SPOCK3: variants seen among roughly 807,000 people sequenced by gnomAD.
The protein encoded by SPOCK3 is testican-3.
SPOCK3 carries 30 observed loss-of-function variants against 56.6 expected under a neutral mutation model. The observed-to-expected ratio is 0.53, with a 90% CI of 0.40 to 0.72. The LOEUF is 0.72. Ranked by LOEUF, SPOCK3 falls within the 30% of genes least tolerant of loss-of-function variation. The pLI is 0.00. For synonymous variants in SPOCK3, 196 were observed against 183.3 expected, an observed-to-expected ratio of 1.07 and a Z score of -0.56; for missense variants, 527 against 530.0, an observed-to-expected ratio of 0.99 and a Z score of 0.06.
intron 2 of SPOCK3, among the ~76,000 whole-genome samples, chr4:167,191,372 C>T (rs1162264308): frequency 1.4e-5 from 2 of 145,388 alleles, no homozygotes; most frequent in Non-Finnish European, 3.0e-5. Context: ...GCTCAAGAGC[C>T]AATTGTATGG....
At chr4:166,804,153 A>C (rs559290021) in intron 6 of SPOCK3, among the ~76,000 whole-genome samples, 1 of 152,262 alleles carries the variant, frequency 6.6e-6, no homozygotes, top group East Asian at 1.9e-4. Flanking sequence ...TAGTAAGTAT[A>C]AGCTTTGTAA....
rs901519482 is a variant in SPOCK3, at chr4:166,734,729, A to G, written c.*192T>C. 3.8e-6 allele frequency: 2 copies of G among 522,438 alleles called. No individual in the cohort carries two copies. The highest frequency in any genetic ancestry group is 6.5e-6 in the Non-Finnish European group (2 of 307,152). 32.4% of individuals were successfully genotyped at this position (522,438 alleles called of 1,614,324 possible). A position where few individuals can be genotyped will look rare whatever the true frequency, so the allele number is the denominator to read the frequency against. On this transcript the variant is annotated 3_prime_UTR_variant, in exon 11 of 11. Transcript: ENST00000357545. ...TATTTTCTTTTTGTGTAAGGAATAT[A>G]AAAACTCAAAGCAAATGATTCTTAT...
At chr4:167,003,153 T>C (rs1749120221) in intron 3 of SPOCK3, among the ~76,000 whole-genome samples, 1 of 152,092 alleles carries the variant, frequency 6.6e-6, no homozygotes, top group South Asian at 2.1e-4. Context: ...TTGTCATGTA[T>C]GCTCAAGAAA....
At chr4:167,085,484 A>C (rs1314607690) in intron 2 of SPOCK3, among the ~76,000 whole-genome samples, 1 of 152,158 alleles carries the variant, frequency 6.6e-6, no homozygotes, top group Non-Finnish European at 1.5e-5. Flanking sequence ...CTTTGGAATC[A>C]AACAATACTC....
chr4:166,948,883 T>C (rs1453142611), intron 4 of SPOCK3, among the ~76,000 whole-genome samples: 1 of 152,114 alleles, frequency 6.6e-6, no homozygotes, highest in South Asian at 2.1e-4. Context: ...AATCTGAATG[T>C]TGGCCTGCCT....
chr4:167,028,583 T>C (rs1416383007), intron 3 of SPOCK3, among the ~76,000 whole-genome samples: 2 of 152,076 alleles, frequency 1.3e-5, no homozygotes, highest in South Asian at 2.1e-4. Context: ...TCTCTTGAGT[T>C]GCAGTTATGT....
intron 6 of SPOCK3, among the ~76,000 whole-genome samples, chr4:166,843,103 G>A (rs1000257885): frequency 2.0e-5 from 3 of 152,282 alleles, no homozygotes; most frequent in African/African-American, 2.4e-5. Context: ...CCTGCCAGCC[G>A]CTCTGAGTGC....
intron 4 of SPOCK3, among the ~76,000 whole-genome samples, chr4:166,962,010 C>T (rs1744196727): frequency 6.6e-6 from 1 of 152,066 alleles, no homozygotes; most frequent in Non-Finnish European, 1.5e-5. Flanking sequence ...AGGCTGCCTC[C>T]ATTCCTTAGC....
intron 6 of SPOCK3, among the ~76,000 whole-genome samples, chr4:166,874,525 A>G (rs1043043209): frequency 2.6e-5 from 4 of 152,180 alleles, no homozygotes; most frequent in African/African-American, 9.7e-5. Flanking sequence ...AGTGGATTTT[A>G]CTTTACCTAC....
At chr4:166,869,792 G>A (rs1235515770) in intron 6 of SPOCK3, among the ~76,000 whole-genome samples, 1 of 152,042 alleles carries the variant, frequency 6.6e-6, no homozygotes, top group East Asian at 1.9e-4. Context: ...ATCATCACAC[G>A]AAATCTGGAG....
intron 6 of SPOCK3, among the ~76,000 whole-genome samples, chr4:166,875,763 A>G (rs10517910): frequency 0.74 from 112,988 of 152,106 alleles, 42,031 homozygotes; most frequent in East Asian, 0.82. Context: ...CTGGATCAGA[A>G]TGTAGAAAGG....
chr4:166,858,108 C>T (rs768908135), intron 6 of SPOCK3, among the ~76,000 whole-genome samples: 49 of 152,214 alleles, frequency 3.2e-4, no homozygotes, highest in Non-Finnish European at 5.3e-4. Flanking sequence ...TGGGTATGAG[C>T]GATACTTGAT....
chr4:167,150,420 T>C (rs1267988837), intron 2 of SPOCK3, among the ~76,000 whole-genome samples: 1 of 151,994 alleles, frequency 6.6e-6, no homozygotes, highest in Admixed American at 6.6e-5. Context: ...TCAAAGGAAA[T>C]CTTACGTACA....
intron 2 of SPOCK3, chr4:167,119,759 T>C (rs1484792305): frequency 7.0e-7 from 1 of 1,420,056 alleles, no homozygotes; most frequent in Non-Finnish European, 9.6e-7. Context: ...CTACCCACTA[T>C]TTCACGTTAA....
intron 2 of SPOCK3, among the ~76,000 whole-genome samples, chr4:167,132,207 A>G (rs1031578947): frequency 6.6e-6 from 1 of 152,236 alleles, no homozygotes; most frequent in African/African-American, 2.4e-5. Flanking sequence ...CAACCAATAC[A>G]AACACAAGAT....
intron 6 of SPOCK3, among the ~76,000 whole-genome samples, chr4:166,830,749 G>GA (rs1033776539): frequency 2.0e-5 from 3 of 151,672 alleles, no homozygotes; most frequent in Non-Finnish European, 4.4e-5. Flanking sequence ...CGCCCCGCTC[G>GA]AAAAAAAGAT....
chr4:167,144,244 T>G (rs1460866927), intron 2 of SPOCK3, among the ~76,000 whole-genome samples: 3 of 152,008 alleles, frequency 2.0e-5, no homozygotes, highest in African/African-American at 7.2e-5. Context: ...AATAAGCTGC[T>G]AAAAGCACCC....
chr4:167,096,941 T>C (rs1759210454), intron 2 of SPOCK3, among the ~76,000 whole-genome samples: 1 of 151,922 alleles, frequency 6.6e-6, no homozygotes, highest in Non-Finnish European at 1.5e-5. Flanking sequence ...GACACTGTTG[T>C]GTGGTACATA....
intron 2 of SPOCK3, among the ~76,000 whole-genome samples, chr4:167,217,737 G>T (rs1229058947): frequency 6.6e-6 from 1 of 152,006 alleles, no homozygotes; most frequent in Non-Finnish European, 1.5e-5. Context: ...ATTTAAGAAA[G>T]AAACTTGGTG....
Sources: allele counts gnomAD v4.1 joint callset (sites outside exome capture counted in the v4.1 genomes callset), GRCh38; gene constraint gnomAD v4.1.1; transcripts MANE v1.5; gene names NCBI Gene and HGNC (gene_info 2026-07-23, HGNC 2026-07-21).